Variants in KCNN2 observed in about 807,000 individuals in gnomAD.
KCNN2 encodes small conductance calcium-activated potassium channel protein 2.
Under a neutral mutation model 55.5 loss-of-function variants are expected in KCNN2, and 24 were observed. The ratio of observed to expected loss-of-function variants is 0.43; its 90% CI spans 0.31 to 0.61. The LOEUF (loss-of-function observed/expected upper bound fraction) is 0.61, where lower values mean the gene tolerates loss of function less well. Among genes scored for constraint, KCNN2 ranks in the 20% least tolerant of loss-of-function variants. KCNN2 has a pLI of 0.08. For missense variants in KCNN2, 754 were observed against 853.6 expected (o/e 0.88, Z 1.45); for synonymous variants, 431 against 336.1 (o/e 1.28, Z -3.09).
At chr5:114,153,318 C>T (rs1752564017) in intron 1 of KCNN2, among the ~76,000 whole-genome samples, 1 of 152,146 alleles carries the variant, frequency 6.6e-6, no homozygotes, top group African/African-American at 2.4e-5. Flanking sequence ...GTTCTCACTC[C>T]AGTAGGCTGA....
chr5:114,495,440 C>G (rs1246769882), intron 7 of KCNN2, among the ~76,000 whole-genome samples: 1 of 152,158 alleles, frequency 6.6e-6, no homozygotes, highest in African/African-American at 2.4e-5. Context: ...CTGCTACATC[C>G]CAATGCCATC....
chr5:114,164,948 TA>T (rs1752878318), intron 1 of KCNN2, among the ~76,000 whole-genome samples: 1 of 152,198 alleles, frequency 6.6e-6, no homozygotes, highest in South Asian at 2.1e-4. Flanking sequence ...TTAACGTTCC[TA>T]ATGATCCTAT....
intron 2 of KCNN2, among the ~76,000 whole-genome samples, chr5:114,402,681 C>T (rs1398151930): frequency 2.0e-5 from 3 of 152,084 alleles, no homozygotes; most frequent in African/African-American, 2.4e-5. Flanking sequence ...GGAACAATGG[C>T]GGCCCTCGAG....
intron 1 of KCNN2, among the ~76,000 whole-genome samples, chr5:114,087,881 A>T (rs1193850138): frequency 6.6e-6 from 1 of 152,086 alleles, no homozygotes; most frequent in African/African-American, 2.4e-5. Context: ...ACCATACAAG[A>T]ATATATTTCA....
intron 3 of KCNN2, among the ~76,000 whole-genome samples, chr5:114,450,361 CAG>C (rs1760619383): frequency 6.6e-6 from 1 of 152,146 alleles, no homozygotes; most frequent in Admixed American, 6.5e-5. Flanking sequence ...GAGGAGCTCA[CAG>C]TGTGCACAGG....
At chr5:114,392,411 A>ATT (rs2150064171) in intron 2 of KCNN2, among the ~76,000 whole-genome samples, 1 of 152,238 alleles carries the variant, frequency 6.6e-6, no homozygotes, top group Non-Finnish European at 1.5e-5. Flanking sequence ...CAATTCAGTG[A>ATT]TTAATACTTA....
chr5:114,168,721 C>A (rs1303312918), intron 1 of KCNN2, among the ~76,000 whole-genome samples: 1 of 151,972 alleles, frequency 6.6e-6, no homozygotes, highest in Non-Finnish European at 1.5e-5. Context: ...CATTTCTTGT[C>A]CTAACACTTG....
chr5:114,206,707 C>T (rs965864159), intron 1 of KCNN2, among the ~76,000 whole-genome samples: 2 of 152,062 alleles, frequency 1.3e-5, no homozygotes, highest in African/African-American at 4.8e-5. Context: ...GTCAGAGCAG[C>T]CTTCCTGAAA....
At chr5:114,098,664 AAAAG>A (rs2112565775) in intron 1 of KCNN2, among the ~76,000 whole-genome samples, 1 of 152,060 alleles carries the variant, frequency 6.6e-6, no homozygotes, top group African/African-American at 2.4e-5. Flanking sequence ...CCTGGTACCA[AAAAG>A]GTTGGGGACC....
intron 1 of KCNN2, among the ~76,000 whole-genome samples, chr5:114,096,906 C>A (rs1260716418): frequency 1.3e-5 from 2 of 152,166 alleles, no homozygotes; most frequent in African/African-American, 2.4e-5. Flanking sequence ...CCCACTTAAT[C>A]TTTCCATTAC....
intron 2 of KCNN2, among the ~76,000 whole-genome samples, chr5:114,398,794 T>C (rs1758697479): frequency 6.6e-6 from 1 of 152,170 alleles, no homozygotes; most frequent in Admixed American, 6.5e-5. Flanking sequence ...ATTTTATTCT[T>C]TTTGTAGTTA....
At chr5:114,387,751 T>C (rs1472351872) in intron 2 of KCNN2, among the ~76,000 whole-genome samples, 1 of 152,214 alleles carries the variant, frequency 6.6e-6, no homozygotes, top group Non-Finnish European at 1.5e-5. Context: ...ATCTACATCC[T>C]GTAGCTCTGA....
intron 2 of KCNN2, among the ~76,000 whole-genome samples, chr5:114,267,347 T>C (rs998467944): frequency 6.6e-6 from 1 of 152,120 alleles, no homozygotes; most frequent in Non-Finnish European, 1.5e-5. Flanking sequence ...TGTGAGCATC[T>C]CTGGATCTAT....
intron 1 of KCNN2, among the ~76,000 whole-genome samples, chr5:114,088,363 T>A (rs1265480515): frequency 6.6e-6 from 1 of 151,896 alleles, no homozygotes; most frequent in Non-Finnish European, 1.5e-5. Context: ...AGTATTTTTG[T>A]GTGTGTTTAT....
intron 1 of KCNN2, among the ~76,000 whole-genome samples, chr5:114,140,370 C>T (rs551064973): frequency 6.6e-6 from 1 of 152,324 alleles, no homozygotes; most frequent in South Asian, 2.1e-4. Context: ...GCTTTGCCTT[C>T]TACACCCTGT....
chr5:114,073,395 T>C (rs1750618298), intron 1 of KCNN2, among the ~76,000 whole-genome samples: 1 of 152,268 alleles, frequency 6.6e-6, no homozygotes, highest in Admixed American at 6.5e-5. Flanking sequence ...ATCTGTATTC[T>C]AGACTTTATC....
At chr5:114,168,692 C>G (rs536508350) in intron 1 of KCNN2, among the ~76,000 whole-genome samples, 9 of 152,108 alleles carry the variant, frequency 5.9e-5, no homozygotes, top group Non-Finnish European at 1.5e-5. Context: ...GTGGTCTGTT[C>G]TGCAGCGTGT....
chr5:114,096,045 G>A (rs114710868), intron 1 of KCNN2, among the ~76,000 whole-genome samples: 63 of 152,100 alleles, frequency 4.1e-4, no homozygotes, highest in African/African-American at 1.4e-3. Context: ...AAGTCCCCTG[G>A]GGACTGAGTC....
intron 2 of KCNN2, among the ~76,000 whole-genome samples, chr5:114,334,433 G>T (rs1333521470): frequency 6.6e-6 from 1 of 151,924 alleles, no homozygotes; most frequent in Non-Finnish European, 1.5e-5. Context: ...AACGTGGATA[G>T]ACAATTCATA....
Sources: allele counts gnomAD v4.1 joint callset (sites outside exome capture counted in the v4.1 genomes callset), GRCh38; gene constraint gnomAD v4.1.1; transcripts MANE v1.5; gene names NCBI Gene and HGNC (gene_info 2026-07-23, HGNC 2026-07-21).